Variants in LIMCH1 observed in about 807,000 individuals in gnomAD.
LIMCH1 encodes LIM and calponin homology domains-containing protein 1.
Under a neutral mutation model 176.5 loss-of-function variants are expected in LIMCH1, and 113 were observed. The observed-to-expected ratio is 0.64, with a 90% CI of 0.55 to 0.75. The LOEUF (loss-of-function observed/expected upper bound fraction) is 0.75. LIMCH1 is among the 30% of genes least tolerant of loss of function. The pLI, the probability that LIMCH1 is intolerant of heterozygous loss-of-function variation, is 0.00. For missense variants in LIMCH1, 1,674 were observed against 1,814.9 expected, an observed-to-expected ratio of 0.92 and a Z score of 1.41; for synonymous variants, 619 against 645.9, an observed-to-expected ratio of 0.96 and a Z score of 0.63.
intron 1 of LIMCH1, among the ~76,000 whole-genome samples, chr4:41,375,458 C>T (rs757562493): frequency 7.7e-4 from 118 of 152,294 alleles, no homozygotes; most frequent in Middle Eastern, 3.4e-3. Context: ...ACTCTCCTTT[C>T]TTCCCAATAT....
intron 1 of LIMCH1, among the ~76,000 whole-genome samples, chr4:41,553,206 T>A (rs1414997794): frequency 2.0e-5 from 3 of 152,208 alleles, no homozygotes; most frequent in African/African-American, 7.2e-5. Flanking sequence ...TGCCAGCCAC[T>A]GTGCATTCGG....
intron 2 of LIMCH1, among the ~76,000 whole-genome samples, chr4:41,521,295 T>A (rs1388255641): frequency 1.3e-5 from 2 of 152,178 alleles, no homozygotes; most frequent in Non-Finnish European, 2.9e-5. Context: ...AATCTTCATA[T>A]CTGTTTGGGG....
intron 1 of LIMCH1, among the ~76,000 whole-genome samples, chr4:41,363,478 C>T (rs1366327380): frequency 6.6e-6 from 1 of 151,910 alleles, no homozygotes; most frequent in Non-Finnish European, 1.5e-5. Flanking sequence ...AAAAATGTTC[C>T]CTTGGGTGGA....
At position 41,689,611 on chromosome 4, in the gene LIMCH1, C is replaced by CT. The variant is rs1382469508; in HGVS notation, c.4252dup (p.Tyr1418LeufsTer13). On this transcript the variant is annotated frameshift_variant, in exon 30 of 32. Transcript: ENST00000503057. LOFTEE classifies it high-confidence loss of function. ...CAATGATCATCGAGACCCTCAATCT[C>CT]TATTTTCACATCCAGTGTTTCAGGG... 1 of 1,609,050 alleles carries CT rather than the reference C, an allele frequency of 6.2e-7. No individual in the cohort carries two copies. The highest frequency in any genetic ancestry group is 8.5e-7 in the Non-Finnish European group (1 of 1,175,652).
chr4:41,483,091 C>T (rs2068925490), intron 1 of LIMCH1, among the ~76,000 whole-genome samples: 1 of 151,958 alleles, frequency 6.6e-6, no homozygotes, highest in South Asian at 2.1e-4. Context: ...AGGAAACTGC[C>T]ATGCTATCAC....
intron 2 of LIMCH1, among the ~76,000 whole-genome samples, chr4:41,519,600 A>G (rs2075921456): frequency 6.6e-6 from 1 of 152,132 alleles, no homozygotes; most frequent in Non-Finnish European, 1.5e-5. Flanking sequence ...TTTATGTGAG[A>G]TTTTTATCTA....
intron 2 of LIMCH1, among the ~76,000 whole-genome samples, 193 bp from the exon 3 acceptor site, chr4:41,603,682 C>T (rs896725497): frequency 2.6e-5 from 4 of 152,142 alleles, no homozygotes; most frequent in Non-Finnish European, 5.9e-5. Context: ...CCCACCTTGT[C>T]CTTCTACATT....
At chr4:41,663,914 G>C (rs2094725102) in intron 20 of LIMCH1, among the ~76,000 whole-genome samples, 2 of 150,620 alleles carry the variant, frequency 1.3e-5, no homozygotes, top group Non-Finnish European at 2.9e-5. Context: ...GGTGGTGAGT[G>C]CCTGTAATTC....
intron 7 of LIMCH1, among the ~76,000 whole-genome samples, chr4:41,625,720 C>A (rs182189614): frequency 2.6e-5 from 4 of 152,116 alleles, no homozygotes; most frequent in African/African-American, 9.7e-5. Context: ...AAACACCCAA[C>A]GGAATTTGCA....
At chr4:41,587,462 T>C (rs1046820465) in intron 1 of LIMCH1, among the ~76,000 whole-genome samples, 1 of 152,040 alleles carries the variant, frequency 6.6e-6, no homozygotes, top group Non-Finnish European at 1.5e-5. Flanking sequence ...CCTTCAATAA[T>C]GAAACTTGGG....
At chr4:41,487,721 T>C (rs546455269) in intron 1 of LIMCH1, among the ~76,000 whole-genome samples, 1 of 145,998 alleles carries the variant, frequency 6.8e-6, no homozygotes, top group Non-Finnish European at 1.5e-5. Context: ...TGCAGTGGTG[T>C]GATCTCGGCT....
At chr4:41,628,381 G>A (rs1277909882) in intron 8 of LIMCH1, among the ~76,000 whole-genome samples, 2 of 149,748 alleles carry the variant, frequency 1.3e-5, no homozygotes, top group Non-Finnish European at 3.0e-5. Flanking sequence ...GTCTGAAGCA[G>A]CCCTTGACCT....
intron 2 of LIMCH1, among the ~76,000 whole-genome samples, chr4:41,501,022 C>G (rs1246894703): frequency 6.6e-6 from 1 of 152,110 alleles, no homozygotes; most frequent in Non-Finnish European, 1.5e-5. Flanking sequence ...AACTGAGGAT[C>G]ATCAAAATCA....
intron 1 of LIMCH1, among the ~76,000 whole-genome samples, chr4:41,565,738 A>C (rs1213254624): frequency 6.6e-6 from 1 of 152,122 alleles, no homozygotes; most frequent in African/African-American, 2.4e-5. Context: ...CAGCCTTGGC[A>C]CTGGAGTTGT....
rs571629655 is a variant in LIMCH1, at chr4:41,576,972, G to A, written c.-240-21948G>A. ...CCCACTGCATCTGAGCGTTCTGCAT[G>A]TGCAACCAAATGCAGATAAAAAAAT... On this transcript the variant is annotated intron_variant, in intron 1 of 31. Transcript: ENST00000503057. Among the ~76,000 whole-genome samples the A allele has an allele frequency of 6.0e-4, 91 of 152,258 alleles. 1 individual carries two copies. The highest frequency in any genetic ancestry group is 6.9e-4 in the Non-Finnish European group (47 of 68,034).
intron 17 of LIMCH1, 147 bp downstream of exon 17, chr4:41,647,040 T>C: frequency 1.3e-6 from 1 of 778,942 alleles, no homozygotes; most frequent in Non-Finnish European, 2.0e-6. Flanking sequence ...CATAGGTCTC[T>C]GGAGATTTGG....
At chr4:41,364,069 C>T (rs2052581421) in intron 1 of LIMCH1, among the ~76,000 whole-genome samples, 3 of 152,148 alleles carry the variant, frequency 2.0e-5, no homozygotes, top group African/African-American at 7.2e-5. Context: ...GCTACTTTTC[C>T]TTTACTGTGG....
intron 4 of LIMCH1, among the ~76,000 whole-genome samples, chr4:41,608,911 C>G (rs1339745445): frequency 6.6e-6 from 1 of 152,178 alleles, no homozygotes; most frequent in Non-Finnish European, 1.5e-5. Flanking sequence ...GGCAAACATT[C>G]CCTTATAACA....
chr4:41,578,956 G>C (rs1245209029), intron 1 of LIMCH1, among the ~76,000 whole-genome samples: 1 of 151,962 alleles, frequency 6.6e-6, no homozygotes, highest in Non-Finnish European at 1.5e-5. Flanking sequence ...TCCTGCCTCA[G>C]CCTCCCAAAG....
Sources: allele counts gnomAD v4.1 joint callset (sites outside exome capture counted in the v4.1 genomes callset), GRCh38; gene constraint gnomAD v4.1.1; transcripts MANE v1.5; gene names NCBI Gene and HGNC (gene_info 2026-07-23, HGNC 2026-07-21).